Variants in TMOD1 observed in about 807,000 individuals in gnomAD.
The protein encoded by TMOD1 is tropomodulin-1.
In TMOD1, 17 loss-of-function variants were observed where a neutral mutation model predicts 40.6. The ratio of observed to expected loss-of-function variants is 0.42; its 90% CI spans 0.29 to 0.63. TMOD1 has a LOEUF of 0.63. Ranked by LOEUF, TMOD1 falls within the 20% of genes least tolerant of loss-of-function variation. The probability of loss-of-function intolerance (pLI) is 0.22; values close to 1 mark genes in which losing one functional copy is unlikely to be tolerated. For missense variants in TMOD1, 391 were observed against 447.6 expected, an observed-to-expected ratio of 0.87 and a Z score of 1.14; for synonymous variants, 181 against 175.0, an observed-to-expected ratio of 1.03 and a Z score of -0.27.
chr9:97,579,882 A>G (rs1320070911), intron 8 of TMOD1, among the ~76,000 whole-genome samples: 6 of 152,148 alleles, frequency 3.9e-5, no homozygotes, highest in Non-Finnish European at 1.5e-5. Context: ...GGGAGGGGGA[A>G]TTTGCAGTGC....
Position 97,546,358 on chromosome 9 carries a change from C to G in TMOD1, c.277+17C>G. ...AAAAACGAGGTACTGAACAATGTTA[C>G]TGTTATAATATGCCACTCCCCATGC... On this transcript the variant is annotated intron_variant, in intron 3 of 9. Coordinates refer to ENST00000259365, the MANE Select transcript of TMOD1 (RefSeq NM_003275.4). 1 of 1,610,288 alleles carries G rather than the reference C, an allele frequency of 6.2e-7. No individual in the cohort carries two copies. Among genetic ancestry groups the G allele is most frequent in the Non-Finnish European group, 8.5e-7 (1 of 1,178,488 alleles).
intron 3 of TMOD1, 117 bp downstream of exon 3, chr9:97,546,458 C>T (rs1019755779): frequency 2.7e-6 from 3 of 1,104,572 alleles, no homozygotes; most frequent in Admixed American, 2.7e-5. Flanking sequence ...CCTCCTTGTC[C>T]TCATCCCTGC....
chr9:97,592,315 A>G (rs982912635), intron 9 of TMOD1, among the ~76,000 whole-genome samples: 3 of 152,206 alleles, frequency 2.0e-5, no homozygotes, highest in African/African-American at 7.2e-5. Context: ...GGTCTATATC[A>G]TTAACATGAA....
chr9:97,566,848 G>A (rs1830736657), intron 7 of TMOD1, among the ~76,000 whole-genome samples: 1 of 105,020 alleles, frequency 9.5e-6, no homozygotes, highest in Non-Finnish European at 2.3e-5. Context: ...CATATGTATT[G>A]AGAGTCTCTC....
intron 4 of TMOD1, among the ~76,000 whole-genome samples, 189 bp downstream of exon 4, chr9:97,553,589 G>A (rs1033988198): frequency 7.9e-5 from 12 of 152,064 alleles, no homozygotes; most frequent in South Asian, 2.1e-4. Flanking sequence ...AGAAAACCAC[G>A]CAAACCCACC....
intron 1 of TMOD1, among the ~76,000 whole-genome samples, chr9:97,512,217 G>A (rs1829715268): frequency 1.3e-5 from 2 of 152,338 alleles, no homozygotes; most frequent in South Asian, 4.1e-4. Flanking sequence ...TGCACAATGA[G>A]TTCCCACTAC....
intron 8 of TMOD1, among the ~76,000 whole-genome samples, chr9:97,580,434 A>T (rs975933167): frequency 6.6e-6 from 1 of 152,092 alleles, no homozygotes; most frequent in African/African-American, 2.4e-5. Flanking sequence ...GTGAAATCCC[A>T]TCTCTACTAA....
chr9:97,523,363 C>T (rs770857506), intron 1 of TMOD1, among the ~76,000 whole-genome samples: 3 of 152,198 alleles, frequency 2.0e-5, no homozygotes, highest in Admixed American at 1.3e-4. Context: ...CAATTCTTCC[C>T]TCTGAACCGG....
At chr9:97,555,168 T>C (rs943370525) in intron 4 of TMOD1, among the ~76,000 whole-genome samples, 4 of 152,232 alleles carry the variant, frequency 2.6e-5, no homozygotes, top group African/African-American at 9.6e-5. Flanking sequence ...GGATTTATTC[T>C]GTCAGAAGCC....
chr9:97,571,265 GCCAGGGAGTTGCCCCTTCCCT>G (rs1386258381), intron 8 of TMOD1, among the ~76,000 whole-genome samples: 1 of 152,228 alleles, frequency 6.6e-6, no homozygotes, highest in African/African-American at 2.4e-5. Context: ...GGTGGCAGCT[GCCAGGGAGTTGCCCCTTCCCT>G]CCACACACTA....
chr9:97,580,991 T>TATTTTATTTC, intron 8 of TMOD1, among the ~76,000 whole-genome samples: 1 of 38,432 alleles, frequency 2.6e-5, no homozygotes, highest in African/African-American at 1.1e-4. Context: ...ATTTTATTTC[T>TATTTTATTTC]TTTTTCTTTT....
At chr9:97,562,580 T>G in intron 4 of TMOD1, 152 bp from the exon 5 acceptor site, 1 of 560,532 alleles carries the variant, frequency 1.8e-6, no homozygotes, top group Non-Finnish European at 3.1e-6. Flanking sequence ...TCAATAGAGG[T>G]GAGAGTAAAA....
At chr9:97,551,402 A>G (rs1830452646) in intron 3 of TMOD1, among the ~76,000 whole-genome samples, 1 of 152,204 alleles carries the variant, frequency 6.6e-6, no homozygotes, top group Non-Finnish European at 1.5e-5. Context: ...ATAGGGGTCC[A>G]ACTTCATTCT....
intron 4 of TMOD1, 97 bp downstream of exon 4, chr9:97,553,497 T>G: frequency 6.6e-7 from 1 of 1,516,228 alleles, no homozygotes; most frequent in East Asian, 2.3e-5. Flanking sequence ...GAACACCTTC[T>G]CTATTTCTAA....
At position 97,601,166 on chromosome 9, in the gene TMOD1, C is replaced by T; in HGVS notation, c.*1468C>T. On this transcript the variant is annotated 3_prime_UTR_variant, in exon 10 of 10. Coordinates refer to ENST00000259365, the MANE Select transcript of TMOD1 (RefSeq NM_003275.4). ...GCACCATGTTGCAGGGACAACCATCCCCATTTGGCTTCTCCTTAAAACACA... is the reference window on the plus strand; with the variant it reads ...GCACCATGTTGCAGGGACAACCATCTCCATTTGGCTTCTCCTTAAAACACA... The T allele has an allele frequency of 4.6e-6, 6 of 1,301,034 alleles. No individual in the cohort carries two copies. Among genetic ancestry groups the T allele is most frequent in the Admixed American group, 2.3e-5 (1 of 42,612 alleles). The allele number at this position is 1,301,034 out of a possible 1,614,324, so 80.6% of individuals were successfully genotyped here.
At chr9:97,535,735 C>T (rs1830171677) in intron 2 of TMOD1, among the ~76,000 whole-genome samples, 2 of 152,238 alleles carry the variant, frequency 1.3e-5, no homozygotes, top group African/African-American at 4.8e-5. Context: ...GCTGCTATGA[C>T]AAATAGGTAC....
At chr9:97,539,607 T>TA (rs1218964339) in intron 2 of TMOD1, among the ~76,000 whole-genome samples, 1 of 152,130 alleles carries the variant, frequency 6.6e-6, no homozygotes, top group African/African-American at 2.4e-5. Flanking sequence ...TAGATGAACA[T>TA]ATGCCATTTA....
chr9:97,562,631 C>A, intron 4 of TMOD1, 101 bp from the exon 5 acceptor site: 1 of 764,838 alleles, frequency 1.3e-6, no homozygotes, highest in Admixed American at 3.1e-5. Context: ...GTGTTTCTTG[C>A]CATTTCTGTG....
intron 1 of TMOD1, chr9:97,516,864 T>A (rs1363946368): frequency 6.6e-6 from 1 of 151,128 alleles, no homozygotes; most frequent in Non-Finnish European, 1.5e-5. Flanking sequence ...AGGGACAGAG[T>A]TTTTAGTCTG....
Sources: allele counts gnomAD v4.1 joint callset (sites outside exome capture counted in the v4.1 genomes callset), GRCh38; gene constraint gnomAD v4.1.1; transcripts MANE v1.5; gene names NCBI Gene and HGNC (gene_info 2026-07-23, HGNC 2026-07-21).